WDR11: variants seen among roughly 807,000 people sequenced by gnomAD.
WDR11 encodes WD repeat-containing protein 11.
In WDR11, 83 loss-of-function variants were observed where a neutral mutation model predicts 151.2. The observed-to-expected ratio is 0.55, with a 90% confidence interval of 0.46 to 0.66. The LOEUF (loss-of-function observed/expected upper bound fraction) is 0.66, where lower values mean the gene tolerates loss of function less well. WDR11 is among the 30% of genes least tolerant of loss of function. The pLI, the probability that WDR11 is intolerant of heterozygous loss-of-function variation, is 0.00. For missense variants in WDR11, 1,301 were observed against 1,480.9 expected, an observed-to-expected ratio of 0.88 and a Z score of 1.99; for synonymous variants, 484 against 533.1, an observed-to-expected ratio of 0.91 and a Z score of 1.27.
At chr10:120,855,902 A>G (rs1445669001) in intron 2 of WDR11, among the ~76,000 whole-genome samples, 2 of 152,176 alleles carry the variant, frequency 1.3e-5, no homozygotes, top group African/African-American at 4.8e-5. Flanking sequence ...ATGGGAGAGT[A>G]GTGAGAGGAT....
Position 120,851,373 on chromosome 10 carries a change from C to G in WDR11, c.-48C>G. ...TTTGGAACGGAAGCACAGTGTCCGC[C>G]GCTTCCTGGTTGCGGGTCAGCGCCC... On this transcript the variant is annotated 5_prime_UTR_variant, in exon 1 of 29. Coordinates refer to ENST00000263461, the MANE Select transcript of WDR11 (RefSeq NM_018117.12). The G allele has an allele frequency of 1.3e-6, 2 of 1,548,100 alleles. No individual in the cohort carries two copies.
rs543747260 is a variant in WDR11 at position 120,860,084 on chromosome 10, G to A, written c.353-25G>A. 8.2e-5 allele frequency: 132 copies of A among 1,613,970 alleles called. No individual in the cohort carries two copies. In the South Asian group the frequency reaches 1.3e-3, roughly 16 times the overall value. On this transcript the variant is annotated intron_variant, in intron 3 of 28. Transcript: ENST00000263461. ...TTGGAGAGTGTGGTTTCTGAATTTT[G>A]CCTTTCTTTATCGGGTCTTTCCAGA...
chr10:120,878,609 T>G (rs1426851531), intron 12 of WDR11, 150 bp downstream of exon 12: 3 of 641,374 alleles, frequency 4.7e-6, no homozygotes, highest in Non-Finnish European at 8.0e-6. Flanking sequence ...ATAATTGCCC[T>G]AGAAAGGCCT....
At chr10:120,899,782 CAA>C in intron 19 of WDR11, 9 of 443,260 alleles carry the variant, frequency 2.0e-5, no homozygotes, top group South Asian at 2.6e-5. Context: ...GGCTTTGTCT[CAA>C]AAAAAAAATA....
intron 4 of WDR11, 87 bp downstream of exon 4, chr10:120,860,369 A>G (rs1385908850): frequency 4.2e-6 from 6 of 1,444,124 alleles, no homozygotes; most frequent in East Asian, 2.4e-5. Context: ...CACACACATT[A>G]TACATCTATA....
intron 6 of WDR11, 117 bp from the exon 7 acceptor site, chr10:120,865,513 G>A: frequency 1.3e-6 from 1 of 747,562 alleles, no homozygotes. Flanking sequence ...TTAAAGTTTG[G>A]GATTTGTCTA....
rs2420894 is a variant in WDR11, at chr10:120,906,246, T to C, written c.3437+225T>C. On this transcript the variant is annotated intron_variant, in intron 27 of 28. Coordinates refer to ENST00000263461, the MANE Select transcript of WDR11 (RefSeq NM_018117.12). ...TTTCCTACTAATATGCTGATCAGAC[T>C]TAACAGGCACCTAGTAAAAGGGAAT... The C allele has an allele frequency of 0.58, 825,292 of 1,416,320 alleles. 243,254 individuals are homozygous for C. Among genetic ancestry groups the C allele is most frequent in the African/African-American group, 0.82 (56,691 of 69,496 alleles). 87.7% of individuals were successfully genotyped at this position (1,416,320 alleles called of 1,614,324 possible).
At chr10:120,901,131 A>G (rs773532909) in intron 21 of WDR11, 33 bp downstream of exon 21, 4 of 1,538,342 alleles carry the variant, frequency 2.6e-6, no homozygotes, top group East Asian at 2.3e-5. Context: ...GAAGATAGGA[A>G]TATGAGAAAG....
Position 120,852,566 on chromosome 10 carries a change from G to A in WDR11, c.129G>A (p.Val43=). 6.2e-7 allele frequency: 1 copy of A among 1,613,950 alleles called. No individual in the cohort carries two copies. The highest frequency in any genetic ancestry group is 8.5e-7 in the Non-Finnish European group (1 of 1,179,968). ...GLIAYGCHSL[V]VVIDSITAQT... ...TTGCTTATGGATGTCATTCACTTGTGGTAGTGATTGATTCCATTACTGCCC... is the reference window on the plus strand; with the variant it reads ...TTGCTTATGGATGTCATTCACTTGTAGTAGTGATTGATTCCATTACTGCCC... The change falls in exon 2 of 29, where the codon GTG becomes GTA. Residue 43 remains valine, a synonymous_variant. Transcript: ENST00000263461.
At position 120,873,936 on chromosome 10, in the gene WDR11, T is replaced by C. The variant is rs756539568; in HGVS notation, c.1556+13T>C. 35 of 1,578,672 alleles carry C rather than the reference T, an allele frequency of 2.2e-5. No individual in the cohort carries two copies. The highest frequency in any genetic ancestry group is 3.0e-5 in the Non-Finnish European group (35 of 1,148,312). ...CATGTGAAGTCAAGTAAGTATGTCA[T>C]TGTGATGATGACATCACAAACATCA... On this transcript the variant is annotated intron_variant, in intron 11 of 28. Transcript: ENST00000263461.
intron 9 of WDR11, among the ~76,000 whole-genome samples, chr10:120,868,129 T>C (rs374696163): frequency 2.6e-5 from 4 of 152,288 alleles, no homozygotes; most frequent in African/African-American, 9.6e-5. Context: ...GTTTTTTTGT[T>C]GTTGTTGAAA....
chr10:120,902,463 C>T, intron 22 of WDR11, 141 bp downstream of exon 22: 1 of 754,718 alleles, frequency 1.3e-6, no homozygotes. Flanking sequence ...ATAATTTTGA[C>T]AGTAGTAATA....
At chr10:120,882,109 G>T (rs894659789) in intron 13 of WDR11, among the ~76,000 whole-genome samples, 1 of 151,964 alleles carries the variant, frequency 6.6e-6, no homozygotes, top group Middle Eastern at 3.4e-3. Flanking sequence ...ATCATCATAT[G>T]GTGTGTGTGT....
At chr10:120,905,572 G>A (rs1021626997) in intron 26 of WDR11, 156 bp downstream of exon 26, 9 of 840,824 alleles carry the variant, frequency 1.1e-5, no homozygotes, top group Non-Finnish European at 1.7e-5. Context: ...TTCTTTATGA[G>A]TGTAAATTGC....
chr10:120,908,938 G>GAAAGT lies in WDR11; in HGVS notation c.*227_*231dup, dbSNP rs1848182203. On this transcript the variant is annotated 3_prime_UTR_variant, in exon 29 of 29. Transcript: ENST00000263461. Reference sequence around the variant, plus strand: ...AAAGAACGTGAATGCTTAAGATTTTGAAAGTACATAATATTTTATACTTTG... The same window carrying GAAAGT: ...AAAGAACGTGAATGCTTAAGATTTTGAAAGTAAAGTACATAATATTTTATACTTTG... The GAAAGT allele has an allele frequency of 5.2e-6, 3 of 571,932 alleles. No homozygotes were observed. The highest frequency in any genetic ancestry group is 3.0e-5 in the Admixed American group (1 of 33,330). 35.4% of individuals were successfully genotyped at this position (571,932 alleles called of 1,614,324 possible). A position where few individuals can be genotyped will look rare whatever the true frequency, so the allele number is the denominator to read the frequency against.
chr10:120,909,507 A>G lies in WDR11; in HGVS notation c.*794A>G, dbSNP rs1848209469. 1 of 152,672 alleles carries G rather than the reference A, an allele frequency of 6.5e-6. No individual in the cohort carries two copies. Among genetic ancestry groups the G allele is most frequent in the African/African-American group, 2.4e-5 (1 of 41,448 alleles). 9.5% of individuals were successfully genotyped at this position (152,672 alleles called of 1,614,324 possible). A position where few individuals can be genotyped will look rare whatever the true frequency, so the allele number is the denominator to read the frequency against. On this transcript the variant is annotated 3_prime_UTR_variant, in exon 29 of 29. Coordinates refer to ENST00000263461, the MANE Select transcript of WDR11 (RefSeq NM_018117.12). Reference sequence around the variant, plus strand: ...CTGTAACTTACAAACATGATAAATAAATTAAAAATTCCATCCAGGCCTTTG... The same window carrying G: ...CTGTAACTTACAAACATGATAAATAGATTAAAAATTCCATCCAGGCCTTTG...
At chr10:120,874,194 TTG>T in intron 11 of WDR11, among the ~76,000 whole-genome samples, 1 of 72,980 alleles carries the variant, frequency 1.4e-5, no homozygotes, top group African/African-American at 4.9e-5. Flanking sequence ...TTTTTTTTTG[TTG>T]TTGTTGTTGT....
chr10:120,880,065 G>C (rs1846943718), intron 12 of WDR11: 1 of 152,120 alleles, frequency 6.6e-6, no homozygotes, highest in Non-Finnish European at 1.5e-5. Context: ...GGGACAAGAA[G>C]ATCTTAAATA....
At chr10:120,874,176 GTTT>G (rs66873217) in intron 11 of WDR11, among the ~76,000 whole-genome samples, 2,258 of 83,496 alleles carry the variant, frequency 0.027, 37 homozygotes, top group African/African-American at 0.037. Flanking sequence ...GGTTTTTGCA[GTTT>G]TTTTTTTTTT....
Sources: gnomAD v4.1 joint callset for allele counts (sites outside exome capture counted in the v4.1 genomes callset) on GRCh38, gnomAD v4.1.1 for gene constraint, MANE v1.5 for transcripts, NCBI Gene and HGNC (gene_info 2026-07-23, HGNC 2026-07-21) for gene names.